The following TLN2 variants were observed in gnomAD, a reference collection of about 807,000 sequenced individuals.
TLN2 encodes talin 2.
A neutral mutation model predicts 294.7 loss-of-function variants in TLN2; 118 were observed. The observed-to-expected ratio is 0.40, with a 90% CI of 0.34 to 0.47. TLN2 has a LOEUF of 0.47. Among genes scored for constraint, TLN2 ranks in the 20% least tolerant of loss-of-function variants. The probability of loss-of-function intolerance (pLI) is 0.84; values close to 1 mark genes in which losing one functional copy is unlikely to be tolerated. For missense variants in TLN2, 3,083 were observed against 3,282.2 expected (o/e 0.94, Z 1.48); for synonymous variants, 1,431 against 1,304.5 (o/e 1.10, Z -2.09).
intron 2 of TLN2, among the ~76,000 whole-genome samples, chr15:62,600,594 T>G (rs114924042): frequency 0.013 from 1,977 of 152,288 alleles, 40 homozygotes; most frequent in African/African-American, 0.045. Flanking sequence ...GGTCATGTGG[T>G]CTCACATGCT....
At chr15:62,830,413 T>G (rs1455432865) in intron 54 of TLN2, 1 of 152,506 alleles carries the variant, frequency 6.6e-6, no homozygotes, top group African/African-American at 2.4e-5. Flanking sequence ...ACTGTTCCAT[T>G]AACAAATTCT....
intron 32 of TLN2, among the ~76,000 whole-genome samples, chr15:62,741,175 C>T (rs1427172560): frequency 2.0e-5 from 3 of 152,160 alleles, no homozygotes; most frequent in African/African-American, 7.2e-5. Context: ...AGTCATTCAG[C>T]AGACTTTTAT....
chr15:62,395,795 A>G (rs1209315310), intron 1 of TLN2, among the ~76,000 whole-genome samples: 1 of 152,212 alleles, frequency 6.6e-6, no homozygotes, highest in Admixed American at 6.5e-5. Context: ...AGCTAGTTGC[A>G]GAGTATCATA....
At chr15:62,744,404 A>ATTTTTTTTTTTTTTTTTTTT (rs71131126) in intron 32 of TLN2, among the ~76,000 whole-genome samples, 1 of 125,060 alleles carries the variant, frequency 8.0e-6, no homozygotes. Context: ...GTTATTTTTA[A>ATTTTTTTTTTTTTTTTTTTT]TTTTTTTTTT....
At chr15:62,547,972 T>C (rs950561794) in intron 1 of TLN2, among the ~76,000 whole-genome samples, 10 of 152,302 alleles carry the variant, frequency 6.6e-5, no homozygotes, top group East Asian at 5.8e-4. Flanking sequence ...ACAGGAGTTA[T>C]TGGTTTTCCA....
At chr15:62,771,257 C>T (rs780879261) in intron 42 of TLN2, 123 bp downstream of exon 42, 11 of 1,113,180 alleles carry the variant, frequency 9.9e-6, no homozygotes, top group Non-Finnish European at 1.3e-5. Flanking sequence ...TGAGCTCCCA[C>T]TCTGAGATCA....
At chr15:62,531,692 A>G (rs2140498221) in intron 1 of TLN2, among the ~76,000 whole-genome samples, 1 of 152,360 alleles carries the variant, frequency 6.6e-6, no homozygotes, top group South Asian at 2.1e-4. Context: ...TTTAAAATAA[A>G]ACATTTTAAG....
intron 1 of TLN2, among the ~76,000 whole-genome samples, chr15:62,555,594 A>G (rs1329644117): frequency 2.6e-5 from 4 of 152,146 alleles, no homozygotes; most frequent in South Asian, 4.1e-4. Flanking sequence ...TATACTTGAT[A>G]TTCTTTGTCT....
chr15:62,428,839 A>G (rs1264646827), intron 1 of TLN2, among the ~76,000 whole-genome samples: 2 of 152,142 alleles, frequency 1.3e-5, no homozygotes, highest in Non-Finnish European at 2.9e-5. Flanking sequence ...TAATGTTATA[A>G]TGTGTGCTTA....
chr15:62,773,524 C>CT (rs1020301193), intron 42 of TLN2, among the ~76,000 whole-genome samples: 45 of 152,082 alleles, frequency 3.0e-4, no homozygotes, highest in Non-Finnish European at 4.7e-4. Flanking sequence ...TACAAGTCTG[C>CT]TTTTTTCAAC....
intron 1 of TLN2, among the ~76,000 whole-genome samples, chr15:62,398,045 G>A (rs1295808058): frequency 6.6e-6 from 1 of 152,152 alleles, no homozygotes; most frequent in African/African-American, 2.4e-5. Flanking sequence ...CCAGCCAGCC[G>A]TGTTATGGAT....
intron 1 of TLN2, among the ~76,000 whole-genome samples, chr15:62,520,170 T>C (rs1595999819): frequency 6.6e-6 from 1 of 152,252 alleles, no homozygotes; most frequent in Non-Finnish European, 1.5e-5. Flanking sequence ...TTATGGGTGC[T>C]ACAATTCATG....
intron 3 of TLN2, among the ~76,000 whole-genome samples, chr15:62,636,921 C>T (rs575360368): frequency 1.9e-4 from 29 of 152,318 alleles, no homozygotes; most frequent in Non-Finnish European, 3.4e-4. Context: ...TGGAAGAAAA[C>T]ACTGAATGCC....
At chr15:62,549,270 T>G (rs1192220823) in intron 1 of TLN2, among the ~76,000 whole-genome samples, 1 of 152,222 alleles carries the variant, frequency 6.6e-6, no homozygotes, top group Admixed American at 6.5e-5. Flanking sequence ...AGATTAACAC[T>G]AATCACAAAT....
chr15:62,722,675 A>G (rs2060217355), intron 26 of TLN2, among the ~76,000 whole-genome samples, 188 bp downstream of exon 26: 2 of 152,264 alleles, frequency 1.3e-5, no homozygotes, highest in African/African-American at 4.8e-5. Flanking sequence ...CAGACTTAGT[A>G]TTCACTTTTT....
intron 1 of TLN2, among the ~76,000 whole-genome samples, chr15:62,540,824 G>A (rs1378463847): frequency 6.6e-6 from 1 of 152,174 alleles, no homozygotes. Context: ...TACTCATGGG[G>A]AAGATCACCA....
At position 62,643,871 on chromosome 15, in the gene TLN2, G is replaced by A. The variant is rs2051476837; in HGVS notation, c.-36-3404G>A. 2.0e-5 allele frequency among the ~76,000 whole-genome samples: 3 copies of A among 152,114 alleles called. No homozygotes were observed. In the South Asian group the frequency reaches 6.2e-4, roughly 32 times the overall value. ...CCATGTGCACTTGGTGCAGAATAGA[G>A]ATTATGTATGGTGAGGAAGGGCACT... On this transcript the variant is annotated intron_variant, in intron 3 of 58. Transcript: ENST00000636159.
chr15:62,796,720 C>T (rs1033262975), intron 47 of TLN2, among the ~76,000 whole-genome samples: 2 of 152,160 alleles, frequency 1.3e-5, no homozygotes, highest in Admixed American at 1.3e-4. Context: ...GCTAGGGACC[C>T]CTGAAACCTC....
chr15:62,717,980 T>C (rs1429856177), intron 24 of TLN2, among the ~76,000 whole-genome samples: 1 of 152,166 alleles, frequency 6.6e-6, no homozygotes. Context: ...GGCTCTGAAA[T>C]GGGAAGGAAG....
Sources: gnomAD v4.1 joint callset for allele counts (sites outside exome capture counted in the v4.1 genomes callset) on GRCh38, gnomAD v4.1.1 for gene constraint, MANE v1.5 for transcripts, NCBI Gene and HGNC (gene_info 2026-07-23, HGNC 2026-07-21) for gene names.